PROX1: variants seen among roughly 807,000 people sequenced by gnomAD.
PROX1 encodes the protein prospero homeobox 1.
A neutral mutation model predicts 58.8 loss-of-function variants in PROX1; 7 were observed. That is an observed-to-expected ratio of 0.12 (90% CI 0.07 to 0.22). PROX1 has a LOEUF of 0.22. Among genes scored for constraint, PROX1 ranks in the 10% least tolerant of loss-of-function variants. The probability of loss-of-function intolerance (pLI) is 1.00; values close to 1 mark genes in which losing one functional copy is unlikely to be tolerated. For missense variants in PROX1, 675 were observed against 927.8 expected (o/e 0.73, Z 3.54); for synonymous variants, 350 against 358.3 (o/e 0.98, Z 0.26).
chr1:214,021,805 T>C (rs1412571033), intron 4 of PROX1, among the ~76,000 whole-genome samples: 3 of 152,178 alleles, frequency 2.0e-5, no homozygotes, highest in Non-Finnish European at 4.4e-5. Flanking sequence ...CTCTGGCAAA[T>C]ATGATTGTGT....
chr1:214,005,576 G>A (rs1160353204), intron 3 of PROX1, among the ~76,000 whole-genome samples: 2 of 152,152 alleles, frequency 1.3e-5, no homozygotes, highest in Non-Finnish European at 2.9e-5. Context: ...ATGGATGGGT[G>A]TGCTTTAGAG....
At chr1:213,994,750 AATATATATATATATATATATATATAT>A (rs66460564) in intron 1 of PROX1, among the ~76,000 whole-genome samples, 30,426 of 88,638 alleles carry the variant, frequency 0.34, 5,459 homozygotes, top group Middle Eastern at 0.5. Context: ...CAAGCATGCA[AATATATATATATATATATATATATAT>A]ATATATATAT....
At chr1:214,026,048 A>G (rs1445508574) in intron 4 of PROX1, among the ~76,000 whole-genome samples, 2 of 152,174 alleles carry the variant, frequency 1.3e-5, no homozygotes, top group Admixed American at 6.5e-5. Context: ...CAGTGCTTCC[A>G]GTTGTTTTTA....
intron 3 of PROX1, among the ~76,000 whole-genome samples, chr1:214,005,943 C>G (rs1463860632): frequency 6.8e-6 from 1 of 147,962 alleles, no homozygotes; most frequent in South Asian, 2.2e-4. Context: ...TGTGTGTATG[C>G]GTGTGTGTGT....
At chr1:213,989,203 G>A (rs1662927818) in intron 1 of PROX1, among the ~76,000 whole-genome samples, 1 of 152,062 alleles carries the variant, frequency 6.6e-6, no homozygotes, top group African/African-American at 2.4e-5. Flanking sequence ...TGTCGAAGCC[G>A]AATTGTGGAA....
rs1664989510 is a variant in PROX1, at chr1:214,040,928, C to G, written c.*5094C>G. 1.3e-5 allele frequency: 2 copies of G among 151,110 alleles called. No individual in the cohort carries two copies. Among genetic ancestry groups the G allele is most frequent in the African/African-American group, 4.9e-5 (2 of 41,074 alleles). The allele number at this position is 151,110 out of a possible 1,614,324, so 9.4% of individuals were successfully genotyped here. A position where few individuals can be genotyped will look rare whatever the true frequency, so the allele number is the denominator to read the frequency against. ...GTAATATTAATTGATATGATAAACA[C>G]AATGAGACTCCCTGTCCATATTAAA... On this transcript the variant is annotated 3_prime_UTR_variant, in exon 5 of 5. Coordinates refer to ENST00000366958, the MANE Select transcript of PROX1 (RefSeq NM_001270616.2).
At chr1:214,023,248 C>T (rs1664342882) in intron 4 of PROX1, among the ~76,000 whole-genome samples, 1 of 152,206 alleles carries the variant, frequency 6.6e-6, no homozygotes, top group Non-Finnish European at 1.5e-5. Context: ...ACATTCCATG[C>T]AGGCCTCAAC....
chr1:214,008,836 G>C (rs780363988), intron 3 of PROX1, among the ~76,000 whole-genome samples: 3 of 152,158 alleles, frequency 2.0e-5, no homozygotes, highest in Non-Finnish European at 4.4e-5. Context: ...TTCTCACAGA[G>C]AGCCAACTTA....
At chr1:214,032,562 T>C (rs1664695730) in intron 4 of PROX1, among the ~76,000 whole-genome samples, 1 of 152,050 alleles carries the variant, frequency 6.6e-6, no homozygotes, top group Non-Finnish European at 1.5e-5. Context: ...CCCAGCTAAT[T>C]TTTTTGCATT....
At chr1:214,031,033 C>CTGTGTGTG (rs1664630976) in intron 4 of PROX1, 1 of 119,366 alleles carries the variant, frequency 8.4e-6, no homozygotes, top group African/African-American at 3.2e-5. Context: ...ACCCAACACA[C>CTGTGTGTG]CGTGTGTGTG....
intron 1 of PROX1, among the ~76,000 whole-genome samples, chr1:213,994,264 T>C (rs1324192324): frequency 6.6e-6 from 1 of 152,196 alleles, no homozygotes; most frequent in Non-Finnish European, 1.5e-5. Context: ...GAAAAAATAC[T>C]GCAAAAAGTT....
intron 3 of PROX1, among the ~76,000 whole-genome samples, chr1:214,006,257 C>G (rs1273989853): frequency 6.6e-6 from 1 of 152,112 alleles, no homozygotes; most frequent in South Asian, 2.1e-4. Context: ...GCTCCCCGCA[C>G]GCAGCTTGTT....
chr1:214,026,580 A>C (rs1382594412), intron 4 of PROX1, among the ~76,000 whole-genome samples: 1 of 152,252 alleles, frequency 6.6e-6, no homozygotes, highest in Non-Finnish European at 1.5e-5. Context: ...GAAATGCTCA[A>C]ATCTAGAACA....
chr1:214,024,802 G>A (rs1664397520), intron 4 of PROX1, among the ~76,000 whole-genome samples: 2 of 152,210 alleles, frequency 1.3e-5, no homozygotes, highest in South Asian at 4.1e-4. Context: ...CAATATTGGA[G>A]TGTTTGTGCT....
chr1:214,007,064 G>A (rs1663740762), intron 3 of PROX1, among the ~76,000 whole-genome samples: 1 of 152,128 alleles, frequency 6.6e-6, no homozygotes, highest in Non-Finnish European at 1.5e-5. Context: ...TCAAGCATGC[G>A]TGCATGTGTG....
At chr1:214,003,101 C>CT (rs2102710632) in intron 2 of PROX1, among the ~76,000 whole-genome samples, 1 of 152,202 alleles carries the variant, frequency 6.6e-6, no homozygotes, top group Non-Finnish European at 1.5e-5. Flanking sequence ...GGATATTTTA[C>CT]TTTTTTTAGA....
intron 4 of PROX1, among the ~76,000 whole-genome samples, chr1:214,033,215 C>A (rs1329278526): frequency 6.6e-6 from 1 of 152,198 alleles, no homozygotes; most frequent in Non-Finnish European, 1.5e-5. Context: ...ATGCTGCATC[C>A]CTGAGTGCTC....
chr1:214,020,446 C>T (rs1238822573), intron 4 of PROX1, among the ~76,000 whole-genome samples: 1 of 152,202 alleles, frequency 6.6e-6, no homozygotes, highest in South Asian at 2.1e-4. Flanking sequence ...CAACAATGAC[C>T]TACTATTAGA....
At chr1:214,035,262 CA>C (rs893536736) in intron 4 of PROX1, among the ~76,000 whole-genome samples, 68 of 152,266 alleles carry the variant, frequency 4.5e-4, no homozygotes, top group African/African-American at 1.6e-3. Context: ...TTGTTTTCAT[CA>C]TGGCAATCAA....
Sources: gnomAD v4.1 joint callset for allele counts (sites outside exome capture counted in the v4.1 genomes callset) on GRCh38, gnomAD v4.1.1 for gene constraint, MANE v1.5 for transcripts, NCBI Gene and HGNC (gene_info 2026-07-23, HGNC 2026-07-21) for gene names.